The following M1AP variants were observed in gnomAD, a reference collection of about 807,000 sequenced individuals.
M1AP encodes the protein meiosis 1 arrest protein.
A neutral mutation model predicts 51.2 loss-of-function variants in M1AP; 39 were observed. That is an observed-to-expected ratio of 0.76 (90% confidence interval 0.59 to 1.00). The LOEUF is 1.00. Ranked by LOEUF, M1AP falls within the 50% of genes least tolerant of loss-of-function variation. The pLI, the probability that M1AP is intolerant of heterozygous loss-of-function variation, is 0.00. For missense variants in M1AP, 545 were observed against 641.2 expected (o/e 0.85, Z 1.62); for synonymous variants, 251 against 249.2 (o/e 1.01, Z -0.07).
chr2:74,614,408 C>T (rs570203897), intron 3 of M1AP, among the ~76,000 whole-genome samples: 1 of 152,246 alleles, frequency 6.6e-6, no homozygotes, highest in East Asian at 1.9e-4. Flanking sequence ...CTGTTTGATC[C>T]CTGAGGTTAC....
At chr2:74,615,971 T>C (rs1265435260) in intron 2 of M1AP, 1 of 152,142 alleles carries the variant, frequency 6.6e-6, no homozygotes. Context: ...GCACATAAAA[T>C]CCATGAGCAT....
At chr2:74,573,528 T>C (rs181114995) in intron 7 of M1AP, among the ~76,000 whole-genome samples, 1 of 152,008 alleles carries the variant, frequency 6.6e-6, no homozygotes. Context: ...AATTTTTGTA[T>C]TTTTAGTAGC....
intron 4 of M1AP, among the ~76,000 whole-genome samples, chr2:74,605,313 A>G (rs1680907069): frequency 6.6e-6 from 1 of 152,252 alleles, no homozygotes; most frequent in South Asian, 2.1e-4. Context: ...GTGGGCTCAG[A>G]GCAAAATGAA....
intron 4 of M1AP, among the ~76,000 whole-genome samples, chr2:74,592,735 T>C (rs773078862): frequency 1.4e-4 from 22 of 152,348 alleles, no homozygotes; most frequent in Non-Finnish European, 2.8e-4. Context: ...TATGCTGAGA[T>C]TGTAAAGAAA....
intron 2 of M1AP, among the ~76,000 whole-genome samples, chr2:74,633,801 C>T (rs1273257539): frequency 6.6e-6 from 1 of 152,156 alleles, no homozygotes; most frequent in Non-Finnish European, 1.5e-5. Flanking sequence ...CGTCAGGCAG[C>T]CCTCTTCAGA....
intron 7 of M1AP, among the ~76,000 whole-genome samples, chr2:74,566,826 C>T (rs1352390357): frequency 1.3e-5 from 2 of 152,218 alleles, no homozygotes; most frequent in African/African-American, 4.8e-5. Context: ...TGTACTTAGA[C>T]TCCTGCTGAA....
chr2:74,572,698 CA>C (rs751249435), intron 7 of M1AP, among the ~76,000 whole-genome samples: 44 of 152,254 alleles, frequency 2.9e-4, no homozygotes, highest in Middle Eastern at 6.8e-3. Context: ...CCTCCATCTG[CA>C]AAAGTTGGGA....
intron 2 of M1AP, among the ~76,000 whole-genome samples, chr2:74,631,158 T>C (rs1437386429): frequency 6.6e-6 from 1 of 152,270 alleles, no homozygotes; most frequent in Non-Finnish European, 1.5e-5. Flanking sequence ...CTAAAAAGCA[T>C]CTGATATGAC....
At chr2:74,577,092 C>A (rs1031981664) in intron 5 of M1AP, among the ~76,000 whole-genome samples, 2 of 152,218 alleles carry the variant, frequency 1.3e-5, no homozygotes, top group Non-Finnish European at 1.5e-5. Flanking sequence ...GAAGGAAGAG[C>A]AGTAAAGCAG....
intron 2 of M1AP, among the ~76,000 whole-genome samples, chr2:74,625,886 C>T (rs1445758133): frequency 1.3e-5 from 2 of 152,222 alleles, no homozygotes; most frequent in Non-Finnish European, 2.9e-5. Flanking sequence ...AAGTTTGTCT[C>T]CTGTGGCCAT....
intron 5 of M1AP, among the ~76,000 whole-genome samples, chr2:74,580,481 C>A (rs1249284058): frequency 1.3e-5 from 2 of 152,130 alleles, no homozygotes; most frequent in Non-Finnish European, 2.9e-5. Context: ...ATTCTGGGCA[C>A]TAGGTTGAAA....
intron 1 of M1AP, among the ~76,000 whole-genome samples, chr2:74,640,984 C>T (rs1683265514): frequency 6.6e-6 from 1 of 152,330 alleles, no homozygotes; most frequent in South Asian, 2.1e-4. Context: ...ATATTGTAAG[C>T]TTCCCAAGGG....
chr2:74,594,426 A>G (rs1033767939), intron 4 of M1AP, among the ~76,000 whole-genome samples: 2 of 152,214 alleles, frequency 1.3e-5, no homozygotes, highest in Non-Finnish European at 2.9e-5. Flanking sequence ...ATACCAACCA[A>G]CCAAGCAAAA....
chr2:74,595,912 C>CT (rs1171126055), intron 4 of M1AP, among the ~76,000 whole-genome samples: 1 of 151,938 alleles, frequency 6.6e-6, no homozygotes, highest in Non-Finnish European at 1.5e-5. Flanking sequence ...TATATTGACT[C>CT]TAAGTAGACT....
chr2:74,576,588 A>C lies in M1AP; in HGVS notation c.800T>G (p.Leu267Arg). 1.2e-6 allele frequency: 2 copies of C among 1,614,162 alleles called. No individual in the cohort carries two copies. Among genetic ancestry groups the C allele is most frequent in the Non-Finnish European group, 1.7e-6 (2 of 1,179,978 alleles). ...MCLKCDLQERLLCPSLLAGTA... is the reference protein window; with the variant it reads ...MCLKCDLQERRLCPSLLAGTA... ...GCCAGCGAGTAGGGATGGGCAGAGC[A>C]GTCGCTCTTGGAGATCACATTTCAG... is the stretch of plus-strand genomic sequence containing the variant. The change falls in exon 6 of 11, where the codon CTG (leucine) becomes CGG (arginine). Residue 267 changes from leucine (L) to arginine (R), a missense_variant. Physicochemically the swap from Leu to Arg is moderately radical, Grantham distance 102 (BLOSUM62 -2). Coordinates refer to ENST00000421985, the MANE Select transcript of M1AP (RefSeq NM_001321739.2).
chr2:74,640,822 G>A (rs1156358653), intron 1 of M1AP, among the ~76,000 whole-genome samples: 2 of 152,164 alleles, frequency 1.3e-5, no homozygotes, highest in African/African-American at 2.4e-5. Context: ...GCCTGAGAAT[G>A]CTTAGAGATG....
At chr2:74,577,702 T>C (rs891616033) in intron 5 of M1AP, among the ~76,000 whole-genome samples, 10 of 152,214 alleles carry the variant, frequency 6.6e-5, no homozygotes, top group Non-Finnish European at 1.3e-4. Context: ...GCCCTCAGCC[T>C]GACATGTCCC....
chr2:74,628,060 T>C (rs1237602363), intron 2 of M1AP, among the ~76,000 whole-genome samples: 1 of 152,190 alleles, frequency 6.6e-6, no homozygotes, highest in African/African-American at 2.4e-5. Flanking sequence ...TACATGACCA[T>C]GCGCATACCT....
At chr2:74,576,723 C>G in intron 5 of M1AP, 105 bp from the exon 6 acceptor site, 1 of 1,335,316 alleles carries the variant, frequency 7.5e-7, no homozygotes, top group South Asian at 1.4e-5. Context: ...ATCTGCTACC[C>G]ATTCCATCTC....
Sources: allele counts gnomAD v4.1 joint callset (sites outside exome capture counted in the v4.1 genomes callset), GRCh38; gene constraint gnomAD v4.1.1; transcripts MANE v1.5; gene names NCBI Gene and HGNC (gene_info 2026-07-23, HGNC 2026-07-21).